The following MAD1L1 variants were observed in gnomAD, a reference collection of about 807,000 sequenced individuals.
MAD1L1 encodes the protein mitotic spindle assembly checkpoint protein MAD1.
MAD1L1 carries 95 observed loss-of-function variants against 96.9 expected under a neutral mutation model. The ratio of observed to expected loss-of-function variants is 0.98; its 90% CI spans 0.83 to 1.16. MAD1L1 has a LOEUF of 1.16. Ranked by LOEUF, MAD1L1 falls within the 50% of genes most tolerant of loss-of-function variation. The probability of loss-of-function intolerance (pLI) is 0.00; values close to 1 mark genes in which losing one functional copy is unlikely to be tolerated. For missense variants in MAD1L1, 1,007 were observed against 954.4 expected, an observed-to-expected ratio of 1.06 and a Z score of -0.73; for synonymous variants, 473 against 396.6, an observed-to-expected ratio of 1.19 and a Z score of -2.29.
intron 12 of MAD1L1, among the ~76,000 whole-genome samples, chr7:2,062,690 G>T (rs1005790191): frequency 6.6e-6 from 1 of 152,188 alleles, no homozygotes; most frequent in Non-Finnish European, 1.5e-5. Flanking sequence ...CTCTTCTAGA[G>T]TCTGTCCTGG....
chr7:2,031,190 C>A (rs1413987923), intron 12 of MAD1L1, among the ~76,000 whole-genome samples: 1 of 152,172 alleles, frequency 6.6e-6, no homozygotes, highest in Non-Finnish European at 1.5e-5. Flanking sequence ...GGGTCCTCTC[C>A]CACTACTCAC....
chr7:2,018,986 A>G (rs1431093023), intron 12 of MAD1L1, among the ~76,000 whole-genome samples: 1 of 152,182 alleles, frequency 6.6e-6, no homozygotes, highest in East Asian at 1.9e-4. Flanking sequence ...TTTTTTAGAA[A>G]AGGAAATGTA....
At chr7:2,087,015 G>C (rs1785951842) in intron 11 of MAD1L1, among the ~76,000 whole-genome samples, 1 of 152,208 alleles carries the variant, frequency 6.6e-6, no homozygotes, top group Admixed American at 6.5e-5. Context: ...GCATGGAGGA[G>C]GTGGTGGTCA....
At chr7:1,862,287 T>G (rs1355126186) in intron 18 of MAD1L1, among the ~76,000 whole-genome samples, 1 of 152,226 alleles carries the variant, frequency 6.6e-6, no homozygotes, top group Non-Finnish European at 1.5e-5. Context: ...CTGTGAGGAC[T>G]GAAATATCTC....
chr7:2,047,993 A>G (rs975941387), intron 12 of MAD1L1, among the ~76,000 whole-genome samples: 5 of 152,060 alleles, frequency 3.3e-5, no homozygotes, highest in Non-Finnish European at 5.9e-5. Flanking sequence ...CACAGAACTC[A>G]CACAGCACAA....
At chr7:1,862,320 G>A (rs1183140410) in intron 18 of MAD1L1, among the ~76,000 whole-genome samples, 1 of 152,240 alleles carries the variant, frequency 6.6e-6, no homozygotes, top group African/African-American at 2.4e-5. Flanking sequence ...CGGGTCCCCT[G>A]GGAGGCAGAA....
In MAD1L1 at chr7:1,964,932, C is replaced by G. The variant is rs893277640; in HGVS notation, c.1506-7213G>C. 2.0e-5 allele frequency among the ~76,000 whole-genome samples: 3 copies of G among 152,224 alleles called. No individual in the cohort carries two copies. In the East Asian group the frequency reaches 5.8e-4, roughly 29 times the overall value. ...GGAGACCCGAGGCCCAACGGGCAGA[C>G]AGCATCCAGTCCAGGAAGCCCCTCA... On this transcript the variant is annotated intron_variant, in intron 15 of 18. Transcript: ENST00000265854.
intron 18 of MAD1L1, among the ~76,000 whole-genome samples, chr7:1,856,998 G>T (rs1460269795): frequency 6.6e-6 from 1 of 151,758 alleles, no homozygotes. Context: ...GCTGGACCCT[G>T]CTGGTCACGC....
intron 12 of MAD1L1, among the ~76,000 whole-genome samples, chr7:2,033,713 C>CCTGCTGGGACAGCAGTCACGGGCG (rs1448476372): frequency 6.6e-6 from 1 of 152,248 alleles, no homozygotes; most frequent in Non-Finnish European, 1.5e-5. Flanking sequence ...GCACGCTACA[C>CCTGCTGGGACAGCAGTCACGGGCG]CTGCTGGGAC....
chr7:2,162,728 G>C (rs114867876), intron 10 of MAD1L1, among the ~76,000 whole-genome samples: 3 of 128,320 alleles, frequency 2.3e-5, no homozygotes, highest in Admixed American at 1.5e-4. Context: ...AAAAAAAAAC[G>C]TAATGGATCC....
chr7:2,157,503 C>A (rs1020088775), intron 10 of MAD1L1, among the ~76,000 whole-genome samples: 1 of 152,164 alleles, frequency 6.6e-6, no homozygotes, highest in African/African-American at 2.4e-5. Context: ...GAGAGCCGGT[C>A]CCCTACAGTC....
chr7:1,954,271 G>A (rs1046464572), intron 16 of MAD1L1, among the ~76,000 whole-genome samples: 7 of 152,308 alleles, frequency 4.6e-5, no homozygotes, highest in South Asian at 2.1e-4. Context: ...GACAGCCTGC[G>A]GGAAAGGCCC....
chr7:2,040,626 G>C (rs189613005), intron 12 of MAD1L1, among the ~76,000 whole-genome samples: 1 of 152,132 alleles, frequency 6.6e-6, no homozygotes, highest in Admixed American at 6.5e-5. Context: ...TATTTACCTA[G>C]TCCTTTGCTG....
At chr7:1,998,794 C>A (rs1781668063) in intron 14 of MAD1L1, among the ~76,000 whole-genome samples, 1 of 150,618 alleles carries the variant, frequency 6.6e-6, no homozygotes, top group South Asian at 2.1e-4. Context: ...TTCCTGAACA[C>A]CTGCACTCAG....
At chr7:2,025,735 G>A (rs1782968283) in intron 12 of MAD1L1, among the ~76,000 whole-genome samples, 1 of 152,174 alleles carries the variant, frequency 6.6e-6, no homozygotes, top group African/African-American at 2.4e-5. Flanking sequence ...GGAGCAAAAT[G>A]TAAACAGAAG....
rs567169494 is a variant in MAD1L1 at position 2,040,944 on chromosome 7, G to C, written c.1219-26302C>G. Among the ~76,000 whole-genome samples the C allele has an allele frequency of 3.9e-5, 6 of 152,290 alleles. No individual in the cohort carries two copies. In the South Asian group the frequency reaches 1.2e-3, roughly 32 times the overall value. On this transcript the variant is annotated intron_variant, in intron 12 of 18. Transcript: ENST00000265854. The stretch of plus-strand genomic sequence containing the variant: ...TTCTACGTGATGTGTGCCGTCATAG[G>C]GGCTGCCCTGAGAAGCCTGGCTTCA...
chr7:1,867,205 A>T (rs1251759704), intron 18 of MAD1L1, among the ~76,000 whole-genome samples: 4 of 152,206 alleles, frequency 2.6e-5, no homozygotes, highest in African/African-American at 9.6e-5. Context: ...CTCCCCTGGC[A>T]TCACTGACCA....
rs186915565 is a variant in MAD1L1, at chr7:2,201,537, G to A, written c.986+11675C>T. 4.3e-3 allele frequency among the ~76,000 whole-genome samples: 659 copies of A among 152,244 alleles called. 9 individuals carry two copies. The highest frequency in any genetic ancestry group is 0.015 in the African/African-American group (617 of 41,540). On this transcript the variant is annotated intron_variant, in intron 10 of 18. Transcript: ENST00000265854. The stretch of plus-strand genomic sequence containing the variant: ...CTCTAAAATAAATCCTGGAACCTAC[G>A]GCAGCCGGACTTGTCTAAAGCCTGT...
intron 12 of MAD1L1, among the ~76,000 whole-genome samples, chr7:2,047,885 TAC>T (rs151128180): frequency 0.022 from 3,320 of 152,134 alleles, 67 homozygotes; most frequent in Non-Finnish European, 0.036. Context: ...AGCTCACCAG[TAC>T]AGATACATGC....
Sources: allele counts gnomAD v4.1 joint callset (sites outside exome capture counted in the v4.1 genomes callset), GRCh38; gene constraint gnomAD v4.1.1; transcripts MANE v1.5; gene names NCBI Gene and HGNC (gene_info 2026-07-23, HGNC 2026-07-21).